Variants in RPF2 observed in about 807,000 individuals in gnomAD.
The protein encoded by RPF2 is brix domain containing 1.
RPF2 carries 21 observed loss-of-function variants against 38.9 expected under a neutral mutation model. The observed-to-expected ratio is 0.54, with a 90% confidence interval of 0.38 to 0.78. The LOEUF is 0.78. Among genes scored for constraint, RPF2 ranks in the 30% least tolerant of loss-of-function variants. RPF2 has a pLI of 0.00. For missense variants in RPF2, 314 were observed against 358.1 expected (o/e 0.88, Z 0.99); for synonymous variants, 121 against 126.2 (o/e 0.96, Z 0.28).
At chr6:111,004,259 T>C (rs937257905) in intron 6 of RPF2, among the ~76,000 whole-genome samples, 3 of 152,098 alleles carry the variant, frequency 2.0e-5, no homozygotes, top group African/African-American at 7.2e-5. Flanking sequence ...CTCGGCTCAC[T>C]GCAACCTCCG....
chr6:111,008,359 C>T (rs527728841), intron 7 of RPF2, among the ~76,000 whole-genome samples: 5 of 151,994 alleles, frequency 3.3e-5, no homozygotes, highest in East Asian at 1.9e-4. Context: ...TTAGTATATG[C>T]GCTGCCGAAG....
intron 7 of RPF2, among the ~76,000 whole-genome samples, chr6:111,012,940 G>C (rs939370964): frequency 6.6e-6 from 1 of 152,150 alleles, no homozygotes; most frequent in Non-Finnish European, 1.5e-5. Flanking sequence ...AAAGTGCTGG[G>C]ATTACAGGCA....
chr6:110,983,502 C>T (rs1423776798), intron 1 of RPF2, among the ~76,000 whole-genome samples: 1 of 152,010 alleles, frequency 6.6e-6, no homozygotes, highest in East Asian at 1.9e-4. Context: ...CGCACACCAC[C>T]ACAGCTAATT....
chr6:110,991,387 G>A (rs976035806), intron 3 of RPF2, among the ~76,000 whole-genome samples: 5 of 149,006 alleles, frequency 3.4e-5, no homozygotes, highest in Non-Finnish European at 7.4e-5. Context: ...CACTGTGCTC[G>A]GCGCCCCCTG....
intron 2 of RPF2, among the ~76,000 whole-genome samples, chr6:110,988,521 G>A (rs1182164824): frequency 6.6e-6 from 1 of 150,392 alleles, no homozygotes; most frequent in East Asian, 2.0e-4. Flanking sequence ...CCACAGCCTC[G>A]AATTCCTGAG....
intron 7 of RPF2, among the ~76,000 whole-genome samples, chr6:111,012,866 C>T (rs4113076): frequency 1.3e-5 from 2 of 151,988 alleles, no homozygotes; most frequent in Non-Finnish European, 2.9e-5. Context: ...GACAGAGTTT[C>T]GCCATGTTCG....
At chr6:110,999,116 C>T (rs541411875) in intron 5 of RPF2, among the ~76,000 whole-genome samples, 1 of 152,016 alleles carries the variant, frequency 6.6e-6, no homozygotes, top group East Asian at 1.9e-4. Flanking sequence ...GAATCAAATT[C>T]TGGTTTAAAT....
At chr6:111,020,126 G>T (rs1048468680) in intron 8 of RPF2, among the ~76,000 whole-genome samples, 1 of 152,138 alleles carries the variant, frequency 6.6e-6, no homozygotes, top group Non-Finnish European at 1.5e-5. Context: ...CACCATGTTA[G>T]TCAGGATGGT....
chr6:110,997,303 G>C, intron 5 of RPF2, 39 bp downstream of exon 5: 1 of 1,247,450 alleles, frequency 8.0e-7, no homozygotes. Context: ...CACTGATAGA[G>C]TCAATTTGTT....
intron 9 of RPF2, 34 bp downstream of exon 9, chr6:111,024,361 T>A (rs372331713): frequency 1.9e-6 from 3 of 1,559,328 alleles, no homozygotes; most frequent in Non-Finnish European, 2.6e-6. Context: ...CACATTTATT[T>A]GTATTTTCTA....
At chr6:110,991,935 T>C (rs1005871578) in intron 4 of RPF2, 149 bp downstream of exon 4, 3 of 340,440 alleles carry the variant, frequency 8.8e-6, no homozygotes, top group Non-Finnish European at 1.7e-5. Context: ...GGAAATACTT[T>C]AAAAAATATC....
At chr6:110,993,280 G>C (rs1253698807) in intron 4 of RPF2, among the ~76,000 whole-genome samples, 2 of 148,692 alleles carry the variant, frequency 1.3e-5, no homozygotes, top group African/African-American at 2.5e-5. Context: ...TTTTTCTTAA[G>C]TTCACTTGAC....
chr6:111,009,271 G>A (rs374992407), intron 7 of RPF2, among the ~76,000 whole-genome samples: 2 of 152,174 alleles, frequency 1.3e-5, no homozygotes, highest in East Asian at 3.9e-4. Flanking sequence ...AGCCAGGATG[G>A]TCTCAATCTC....
chr6:111,004,911 G>A (rs1294354297), intron 6 of RPF2, among the ~76,000 whole-genome samples: 3 of 152,052 alleles, frequency 2.0e-5, no homozygotes, highest in East Asian at 1.9e-4. Flanking sequence ...TGTATGATGT[G>A]TATACTGGGT....
Position 111,024,166 on chromosome 6 carries a change from T to G in RPF2, c.597-17T>G. On this transcript the variant is annotated splice_polypyrimidine_tract_variant and intron_variant, in intron 8 of 9. Coordinates refer to ENST00000441448, the MANE Select transcript of RPF2 (RefSeq NM_032194.3). ...ATGAAAGTCAAAGCAACATTTCTTT[T>G]TACCTATTTCCTAAAGGTTGCTGTT... The G allele has an allele frequency of 6.4e-7, 1 of 1,571,118 alleles. No homozygotes were observed. Among genetic ancestry groups the G allele is most frequent in the Non-Finnish European group, 8.6e-7 (1 of 1,164,574 alleles).
rs548959475 is a variant in RPF2, at chr6:110,986,720, G to A, written c.156+1582G>A. Among the ~76,000 whole-genome samples the A allele has an allele frequency of 1.4e-4, 21 of 152,236 alleles. No homozygotes were observed. In the South Asian group the frequency reaches 3.9e-3, roughly 29 times the overall value. On this transcript the variant is annotated intron_variant, in intron 2 of 9. Coordinates refer to ENST00000441448, the MANE Select transcript of RPF2 (RefSeq NM_032194.3). Reference sequence around the variant, plus strand: ...TGTAATCCCAGCACTTTGGGAGGCCGAGGTGGGCGGATCACGGGGTCAGGA... The same window carrying A: ...TGTAATCCCAGCACTTTGGGAGGCCAAGGTGGGCGGATCACGGGGTCAGGA...
intron 1 of RPF2, among the ~76,000 whole-genome samples, chr6:110,983,244 A>G (rs73526737): frequency 0.011 from 1,720 of 152,320 alleles, 31 homozygotes; most frequent in African/African-American, 0.039. Flanking sequence ...GTGTAAAAAC[A>G]TGCCACTCCT....
chr6:111,024,230 A>C lies in RPF2; in HGVS notation c.644A>C (p.Glu215Ala). The C allele has an allele frequency of 6.2e-7, 1 of 1,611,318 alleles. No individual in the cohort carries two copies. The highest frequency in any genetic ancestry group is 8.5e-7 in the Non-Finnish European group (1 of 1,179,664). ...SGCRTPRIEL[E>A]EMGPSLDLVL... The stretch of plus-strand genomic sequence containing the variant: ...TGCAGAACACCACGGATTGAATTGG[A>C]AGAGATGGGACCCTCATTGGATCTG... The change falls in exon 9 of 10, where the codon GAA (glutamate) becomes GCA (alanine). Residue 215 changes from glutamate (E) to alanine (A), a missense_variant. Glu to Ala is a moderately radical substitution (Grantham distance 107). Coordinates refer to ENST00000441448, the MANE Select transcript of RPF2 (RefSeq NM_032194.3).
chr6:111,013,530 T>C (rs1772054288), intron 7 of RPF2, among the ~76,000 whole-genome samples: 1 of 152,194 alleles, frequency 6.6e-6, no homozygotes, highest in South Asian at 2.1e-4. Flanking sequence ...AGACTGAAAA[T>C]CCTTTTATAT....
Sources: allele counts gnomAD v4.1 joint callset (sites outside exome capture counted in the v4.1 genomes callset), GRCh38; gene constraint gnomAD v4.1.1; transcripts MANE v1.5; gene names NCBI Gene and HGNC (gene_info 2026-07-23, HGNC 2026-07-21).